The following HCRTR2 variants were observed in gnomAD, a reference collection of about 807,000 sequenced individuals.
HCRTR2 encodes orexin receptor type 2.
A neutral mutation model predicts 49.0 loss-of-function variants in HCRTR2; 22 were observed. The observed-to-expected ratio is 0.45, with a 90% CI of 0.32 to 0.64. The LOEUF is 0.64. Among genes scored for constraint, HCRTR2 ranks in the 30% least tolerant of loss-of-function variants. The pLI, the probability that HCRTR2 is intolerant of heterozygous loss-of-function variation, is 0.04. For missense variants in HCRTR2, 491 were observed against 559.4 expected (o/e 0.88, Z 1.23); for synonymous variants, 236 against 205.3 (o/e 1.15, Z -1.28).
intron 1 of HCRTR2, among the ~76,000 whole-genome samples, chr6:55,239,348 T>A (rs1214849517): frequency 6.6e-6 from 1 of 152,226 alleles, no homozygotes; most frequent in Non-Finnish European, 1.5e-5. Flanking sequence ...AATCATGCCA[T>A]TCAGAGACAG....
At chr6:55,156,465 A>G (rs1375132242) in intron 1 of HCRTR2, among the ~76,000 whole-genome samples, 2 of 152,054 alleles carry the variant, frequency 1.3e-5, no homozygotes. Flanking sequence ...GCTTTAAACA[A>G]CAGTAAAACT....
At chr6:55,199,277 T>C (rs532018761) in intron 1 of HCRTR2, among the ~76,000 whole-genome samples, 1 of 151,934 alleles carries the variant, frequency 6.6e-6, no homozygotes, top group African/African-American at 2.4e-5. Flanking sequence ...TTTTTTTTTT[T>C]AATGCAGCAT....
chr6:55,219,075 C>T (rs938747805), intron 1 of HCRTR2, among the ~76,000 whole-genome samples: 2 of 152,148 alleles, frequency 1.3e-5, no homozygotes, highest in African/African-American at 2.4e-5. Flanking sequence ...TTCACCTGGG[C>T]CTCCCAAAGT....
At chr6:55,211,786 A>G (rs778148689) in intron 1 of HCRTR2, among the ~76,000 whole-genome samples, 12 of 152,086 alleles carry the variant, frequency 7.9e-5, no homozygotes, top group Non-Finnish European at 1.5e-4. Context: ...CTCAATTTAA[A>G]CATCACTTCC....
chr6:55,275,680 G>T (rs1412966979), intron 4 of HCRTR2, among the ~76,000 whole-genome samples: 2 of 146,500 alleles, frequency 1.4e-5, no homozygotes, highest in African/African-American at 5.1e-5. Context: ...TGATCTCATC[G>T]GCTCATTGCA....
chr6:55,226,521 G>C (rs147207965), intron 1 of HCRTR2, among the ~76,000 whole-genome samples: 16,243 of 151,666 alleles, frequency 0.11, 1,227 homozygotes, highest in African/African-American at 0.22. Context: ...GTTGGCCAGG[G>C]TGGTCTCGAG....
intron 1 of HCRTR2, among the ~76,000 whole-genome samples, chr6:55,121,506 A>C (rs12204566): frequency 1.3e-5 from 2 of 151,320 alleles, no homozygotes; most frequent in African/African-American, 2.4e-5. Context: ...AACTTCCAAC[A>C]CTATGTTGAG....
chr6:55,213,186 T>C (rs1344294378), intron 1 of HCRTR2, among the ~76,000 whole-genome samples: 1 of 151,862 alleles, frequency 6.6e-6, no homozygotes, highest in African/African-American at 2.4e-5. Context: ...TTGGAGAACA[T>C]AGAAAGGTAG....
intron 4 of HCRTR2, among the ~76,000 whole-genome samples, chr6:55,268,343 A>ATCT (rs1766900982): frequency 6.6e-6 from 1 of 152,080 alleles, no homozygotes; most frequent in South Asian, 2.1e-4. Flanking sequence ...GATATATATT[A>ATCT]TATTTTCTTA....
rs181671443 is a variant in HCRTR2 at position 55,195,825 on chromosome 6, G to A, written c.223+21015G>A. 4.7e-3 allele frequency among the ~76,000 whole-genome samples: 716 copies of A among 152,074 alleles called. 1 individual carries two copies. The highest frequency in any genetic ancestry group is 0.015 in the African/African-American group (631 of 41,488). On this transcript the variant is annotated intron_variant, in intron 1 of 6. Transcript: ENST00000370862. Reference sequence around the variant, plus strand: ...CTACTAAAAATACAAAAAATTAGCCGGGTGTGGTGGTGGGTGCCTGTAGTC... The same window carrying A: ...CTACTAAAAATACAAAAAATTAGCCAGGTGTGGTGGTGGGTGCCTGTAGTC...
chr6:55,131,500 A>T (rs999053871), intron 1 of HCRTR2, among the ~76,000 whole-genome samples: 1 of 151,836 alleles, frequency 6.6e-6, no homozygotes, highest in Non-Finnish European at 1.5e-5. Context: ...GCAATTACTT[A>T]TGTGGTTTTA....
At chr6:55,154,373 C>T (rs535531059) in intron 1 of HCRTR2, among the ~76,000 whole-genome samples, 2 of 151,912 alleles carry the variant, frequency 1.3e-5, no homozygotes, top group South Asian at 4.2e-4. Context: ...CAAAAATCCT[C>T]AGTAAAATCC....
At chr6:55,219,184 G>A (rs1014651036) in intron 1 of HCRTR2, among the ~76,000 whole-genome samples, 1 of 152,102 alleles carries the variant, frequency 6.6e-6, no homozygotes, top group Non-Finnish European at 1.5e-5. Context: ...ATTGAACAAC[G>A]TAGACCAAAT....
chr6:55,245,393 A>G (rs1766414728), intron 1 of HCRTR2, among the ~76,000 whole-genome samples: 1 of 143,930 alleles, frequency 6.9e-6, no homozygotes, highest in African/African-American at 2.6e-5. Flanking sequence ...ATATGTATAT[A>G]TATATACACA....
intron 1 of HCRTR2, among the ~76,000 whole-genome samples, chr6:55,230,203 A>C (rs905944250): frequency 6.6e-6 from 1 of 152,206 alleles, no homozygotes; most frequent in Non-Finnish European, 1.5e-5. Context: ...TTCCATAAAA[A>C]TCTCCATTCT....
chr6:55,167,940 G>T (rs1764900268), intron 1 of HCRTR2, among the ~76,000 whole-genome samples: 1 of 152,172 alleles, frequency 6.6e-6, no homozygotes, highest in Admixed American at 6.5e-5. Context: ...CCAGTCTAAA[G>T]ATTTAGTAAT....
chr6:55,128,366 G>C (rs1764309818), intron 1 of HCRTR2, among the ~76,000 whole-genome samples: 1 of 152,152 alleles, frequency 6.6e-6, no homozygotes, highest in Non-Finnish European at 1.5e-5. Context: ...GATGCCACCA[G>C]CTTTGTTCTT....
chr6:55,172,628 A>G (rs1034445164), upstream of HCRTR2, among the ~76,000 whole-genome samples: 4 of 152,198 alleles, frequency 2.6e-5, no homozygotes, highest in African/African-American at 4.8e-5. Context: ...AGTATTCTAT[A>G]AATAGAAGAA....
intron 1 of HCRTR2, among the ~76,000 whole-genome samples, chr6:55,181,800 C>T (rs1765138526): frequency 6.6e-6 from 1 of 152,188 alleles, no homozygotes; most frequent in Non-Finnish European, 1.5e-5. Flanking sequence ...TACTGGTCTT[C>T]AGCTATCCTG....
Sources: gnomAD v4.1 joint callset for allele counts (sites outside exome capture counted in the v4.1 genomes callset) on GRCh38, gnomAD v4.1.1 for gene constraint, MANE v1.5 for transcripts, NCBI Gene and HGNC (gene_info 2026-07-23, HGNC 2026-07-21) for gene names.